The following CASP1 variants were observed in gnomAD, a reference collection of about 807,000 sequenced individuals.
CASP1 encodes the protein caspase-1.
CASP1 carries 31 observed loss-of-function variants against 41.2 expected under a neutral mutation model. The observed-to-expected ratio is 0.75, with a 90% CI of 0.57 to 1.02. The LOEUF (loss-of-function observed/expected upper bound fraction) is 1.02. Among genes scored for constraint, CASP1 ranks in the 50% least tolerant of loss-of-function variants. The pLI, the probability that CASP1 is intolerant of heterozygous loss-of-function variation, is 0.00. For synonymous variants in CASP1, 163 were observed against 166.5 expected, an observed-to-expected ratio of 0.98 and a Z score of 0.16; for missense variants, 490 against 495.7, an observed-to-expected ratio of 0.99 and a Z score of 0.11.
chr11:105,027,746 A>G (rs1302375546), intron 7 of CASP1, among the ~76,000 whole-genome samples: 2 of 152,090 alleles, frequency 1.3e-5, no homozygotes, highest in Non-Finnish European at 2.9e-5. Flanking sequence ...TTGTTCTAGT[A>G]AAAGGAAGTA....
At position 105,026,133 on chromosome 11, in the gene CASP1, G is replaced by T. The variant is rs1863261600; in HGVS notation, c.*125C>A. The T allele has an allele frequency of 1.7e-6, 1 of 585,902 alleles. No individual in the cohort carries two copies. The allele number at this position is 585,902 out of a possible 1,614,324, so 36.3% of individuals were successfully genotyped here. ...TCAAAATTCAAATTTTTGGATTAAG[G>T]ATTCTCAGCCTGTAAACCTAGAGTT... On this transcript the variant is annotated 3_prime_UTR_variant, in exon 9 of 9. Transcript: ENST00000533400.
chr11:105,035,633 T>TTTTTTTTTTTTTTTTTTTA (rs1863982609), upstream of CASP1, among the ~76,000 whole-genome samples: 1 of 147,798 alleles, frequency 6.8e-6, no homozygotes, highest in Non-Finnish European at 1.5e-5. Flanking sequence ...TTTTTTTTTC[T>TTTTTTTTTTTTTTTTTTTA]GATACAGGGT....
Sources: gnomAD v4.1 joint callset for allele counts (sites outside exome capture counted in the v4.1 genomes callset) on GRCh38, gnomAD v4.1.1 for gene constraint, MANE v1.5 for transcripts, NCBI Gene and HGNC (gene_info 2026-07-23, HGNC 2026-07-21) for gene names.